EHMT1: variants seen among roughly 807,000 people sequenced by gnomAD.
EHMT1 encodes euchromatic histone lysine methyltransferase 1.
Under a neutral mutation model 147.2 loss-of-function variants are expected in EHMT1, and 15 were observed. The ratio of observed to expected loss-of-function variants is 0.10; its 90% confidence interval spans 0.07 to 0.16. The LOEUF (loss-of-function observed/expected upper bound fraction) is 0.16, where lower values mean the gene tolerates loss of function less well. Among genes scored for constraint, EHMT1 ranks in the 10% least tolerant of loss-of-function variants. The probability of loss-of-function intolerance (pLI) is 1.00; values close to 1 mark genes in which losing one functional copy is unlikely to be tolerated. For synonymous variants in EHMT1, 795 were observed against 709.6 expected (o/e 1.12, Z -1.91); for missense variants, 1,587 against 1,772.4 (o/e 0.90, Z 1.88).
chr9:137,808,248 G>T (rs933880590), intron 18 of EHMT1, among the ~76,000 whole-genome samples: 5 of 152,000 alleles, frequency 3.3e-5, no homozygotes, highest in Non-Finnish European at 2.9e-5. Context: ...ACTTCCTGCC[G>T]GAAGTGCACA....
chr9:137,801,105 G>A (rs1010279267), intron 18 of EHMT1, 121 bp downstream of exon 18: 1 of 848,502 alleles, frequency 1.2e-6, no homozygotes, highest in African/African-American at 1.7e-5. Flanking sequence ...ACCTCTTCCT[G>A]TGGCAGCATC....
At chr9:137,821,778 A>G (rs1459797458) in intron 25 of EHMT1, among the ~76,000 whole-genome samples, 2 of 152,096 alleles carry the variant, frequency 1.3e-5, no homozygotes, top group Non-Finnish European at 2.9e-5. Flanking sequence ...GGCATTTACT[A>G]CCTTGTTTAC....
chr9:137,788,056 C>T (rs2137028388), intron 15 of EHMT1: 1 of 1,366,582 alleles, frequency 7.3e-7, no homozygotes, highest in Admixed American at 2.3e-5. Context: ...ATGGCTCCCG[C>T]TGGCAAAGTC....
Position 137,690,565 on chromosome 9 carries a change from GTTTAT to G in EHMT1, c.22-20388_22-20384del, listed in dbSNP as rs1458269119. On this transcript the variant is annotated intron_variant, in intron 1 of 26. Coordinates refer to ENST00000460843, the MANE Select transcript of EHMT1 (RefSeq NM_024757.5). ...TGTCGAAGAATATATCTTGTTTCTT[GTTTAT>G]TTTATTTTATTTTTTTTGAGACAGA... is the stretch of plus-strand genomic sequence containing the variant. 4.0e-5 allele frequency among the ~76,000 whole-genome samples: 6 copies of G among 150,874 alleles called. No homozygotes were observed. In the East Asian group the frequency reaches 5.8e-4, roughly 15 times the overall value.
chr9:137,819,635 AGACTGTAGAGAGGCTGAGGGGGGG>A lies in EHMT1; in HGVS notation c.3540+1499_3540+1522del, dbSNP rs1341420720. 3.2e-4 allele frequency among the ~76,000 whole-genome samples: 37 copies of A among 114,902 alleles called. 2 individuals carry two copies. The highest frequency in any genetic ancestry group is 1.8e-3 in the African/African-American group (35 of 19,578). 75.4% of individuals were successfully genotyped at this position (114,902 alleles called of 152,430 possible). A position where few individuals can be genotyped will look rare whatever the true frequency, so the allele number is the denominator to read the frequency against. ...GCCGATTGAGGGGCGCCGTGTACCG[AGACTGTAGAGAGGCTGAGGGGGGG>A]GGCGCCGTGTGCCGAGACTGTAAAG... On this transcript the variant is annotated intron_variant, in intron 25 of 26. Coordinates refer to ENST00000460843, the MANE Select transcript of EHMT1 (RefSeq NM_024757.5).
At chr9:137,752,227 G>T (rs774904451) in intron 6 of EHMT1, 104 bp from the exon 7 acceptor site, 15 of 1,367,720 alleles carry the variant, frequency 1.1e-5, no homozygotes, top group Admixed American at 1.9e-5. Context: ...TGTGCGGCCA[G>T]TGCCCGTTTC....
rs569182802 is a variant in EHMT1 at position 137,780,733 on chromosome 9, A to G, written c.2275+1016A>G. On this transcript the variant is annotated intron_variant, in intron 14 of 26. Transcript: ENST00000460843. ...GGTGATGACGCCGGTATGTGTGGTG[A>G]TGACACTGGGATGTGTGGTGATGAC... Among the ~76,000 whole-genome samples the G allele has an allele frequency of 4.9e-5, 5 of 102,018 alleles. 1 individual carries two copies. The highest frequency in any genetic ancestry group is 2.1e-4 in the Admixed American group (2 of 9,418). 66.9% of individuals were successfully genotyped at this position (102,018 alleles called of 152,430 possible). A position where few individuals can be genotyped will look rare whatever the true frequency, so the allele number is the denominator to read the frequency against.
At chr9:137,793,226 G>A (rs1034340382) in intron 16 of EHMT1, among the ~76,000 whole-genome samples, 1 of 152,224 alleles carries the variant, frequency 6.6e-6, no homozygotes, top group Non-Finnish European at 1.5e-5. Context: ...TAAAGAGGTT[G>A]TACATCTCAA....
chr9:137,676,505 A>G (rs1250766345), intron 1 of EHMT1: 1 of 152,340 alleles, frequency 6.6e-6, no homozygotes, highest in African/African-American at 2.4e-5. Flanking sequence ...AGCCGGGACT[A>G]CAGGTGTGTA....
chr9:137,779,586 G>A, intron 13 of EHMT1, 49 bp from the exon 14 acceptor site: 1 of 1,604,088 alleles, frequency 6.2e-7, no homozygotes, highest in East Asian at 2.2e-5. Context: ...TCAGCTTCAT[G>A]TGTGGGATGC....
At position 137,781,177 on chromosome 9, in the gene EHMT1, C is replaced by T. The variant is rs1358988142; in HGVS notation, c.2276-1114C>T. ...ATGACGCTGAGACGTGTGGTGATGA[C>T]GCTGGGACGTGTGGTGACGACGCTG... On this transcript the variant is annotated intron_variant, in intron 14 of 26. Coordinates refer to ENST00000460843, the MANE Select transcript of EHMT1 (RefSeq NM_024757.5). 3.6e-5 allele frequency among the ~76,000 whole-genome samples: 3 copies of T among 82,986 alleles called. 1 individual carries two copies. Among genetic ancestry groups the T allele is most frequent in the African/African-American group, 2.3e-4 (2 of 8,794 alleles). 54.4% of individuals were successfully genotyped at this position (82,986 alleles called of 152,430 possible).
At chr9:137,620,794 A>G (rs1166981643) in intron 1 of EHMT1, among the ~76,000 whole-genome samples, 1 of 152,204 alleles carries the variant, frequency 6.6e-6, no homozygotes, top group East Asian at 1.9e-4. Flanking sequence ...GGTGTTTAAT[A>G]CATGACCGAT....
chr9:137,660,795 A>G (rs983741966), intron 1 of EHMT1, among the ~76,000 whole-genome samples: 1 of 152,190 alleles, frequency 6.6e-6, no homozygotes, highest in South Asian at 2.1e-4. Flanking sequence ...TAGATAACTG[A>G]TGATTCTCTG....
At chr9:137,814,255 T>A in intron 21 of EHMT1, 176 bp from the exon 22 acceptor site, 1 of 710,452 alleles carries the variant, frequency 1.4e-6, no homozygotes, top group Non-Finnish European at 2.5e-6. Context: ...CCACAGGCAC[T>A]CGACATGTTT....
chr9:137,752,233 G>GT (rs1949028504), intron 6 of EHMT1, 98 bp from the exon 7 acceptor site: 3 of 1,423,584 alleles, frequency 2.1e-6, no homozygotes, highest in Admixed American at 3.8e-5. Flanking sequence ...GCCAGTGCCC[G>GT]TTTCGAGGTT....
chr9:137,662,682 G>T (rs1448753411), intron 1 of EHMT1, among the ~76,000 whole-genome samples: 1 of 152,078 alleles, frequency 6.6e-6, no homozygotes, highest in Non-Finnish European at 1.5e-5. Flanking sequence ...TGTATTTTTA[G>T]TAGAGATGGG....
At position 137,769,537 on chromosome 9, in the gene EHMT1, C is replaced by A. The variant is rs144635785; in HGVS notation, c.1648-5572C>A. On this transcript the variant is annotated intron_variant, in intron 10 of 26. Transcript: ENST00000460843. ...TCTGGGTTGGCAGTTCCCCACCCCC[C>A]AGCCCTTAAAGAGGTTACTCGAGTG... is the stretch of plus-strand genomic sequence containing the variant. Among the ~76,000 whole-genome samples, 5 of 152,298 alleles carry A rather than the reference C, an allele frequency of 3.3e-5. No individual in the cohort carries two copies. In the East Asian group the frequency reaches 9.6e-4, roughly 29 times the overall value.
At chr9:137,717,605 CAAAA>C (rs1163785484) in intron 3 of EHMT1, among the ~76,000 whole-genome samples, 4 of 69,622 alleles carry the variant, frequency 5.7e-5, no homozygotes, top group Admixed American at 1.5e-4. Context: ...GACCCTGTCT[CAAAA>C]AAAAAAAAAA....
chr9:137,759,775 CG>C (rs1361076044), intron 9 of EHMT1, among the ~76,000 whole-genome samples: 1 of 152,180 alleles, frequency 6.6e-6, no homozygotes, highest in East Asian at 1.9e-4. Flanking sequence ...CCGTGTGGCC[CG>C]GGACCCCAGA....
Sources: gnomAD v4.1 joint callset for allele counts (sites outside exome capture counted in the v4.1 genomes callset) on GRCh38, gnomAD v4.1.1 for gene constraint, MANE v1.5 for transcripts, NCBI Gene and HGNC (gene_info 2026-07-23, HGNC 2026-07-21) for gene names.